TEN1: variants seen among roughly 807,000 people sequenced by gnomAD.
TEN1 encodes the protein TEN1 subunit of CST complex.
A neutral mutation model predicts 9.3 loss-of-function variants in TEN1; 6 were observed. The ratio of observed to expected loss-of-function variants is 0.65; its 90% CI spans 0.35 to 1.27. The LOEUF is 1.27. Ranked by LOEUF, TEN1 falls within the 50% of genes most tolerant of loss-of-function variation. The pLI is 0.03. For synonymous variants in TEN1, 65 were observed against 65.6 expected, an observed-to-expected ratio of 0.99 and a Z score of 0.04; for missense variants, 149 against 158.2, an observed-to-expected ratio of 0.94 and a Z score of 0.31.
chr17:75,991,765 TC>T lies in TEN1; in HGVS notation c.250+143del. The T allele has an allele frequency of 4.5e-6, 5 of 1,106,478 alleles. No individual in the cohort carries two copies. The South Asian group carries it at 8.2e-5, about 18-fold the overall frequency. The allele number at this position is 1,106,478 out of a possible 1,614,324, so 68.5% of individuals were successfully genotyped here. ...GTTTCTTCCAAATTAGCCCACAAGT[TC>T]AACACTCTTGAGGATTCAACTCAGA... On this transcript the variant is annotated intron_variant, in intron 3 of 3. Transcript: ENST00000397640.
intron 3 of TEN1, among the ~76,000 whole-genome samples, chr17:75,994,555 G>A (rs1021391089): frequency 6.7e-6 from 1 of 149,684 alleles, no homozygotes. Flanking sequence ...TCAGCTCACT[G>A]CAACCTCCGC....
chr17:75,991,149 CAAAAAAAAAAAA>C (rs71361699), intron 2 of TEN1, among the ~76,000 whole-genome samples: 1 of 70,220 alleles, frequency 1.4e-5, no homozygotes, highest in Non-Finnish European at 2.5e-5. Context: ...GACTCCATCT[CAAAAAAAAAAAA>C]AAAAAAAGAA....
chr17:76,000,042 C>G lies in TEN1; in HGVS notation c.251-99C>G. 6.7e-7 allele frequency: 1 copy of G among 1,481,754 alleles called. No homozygotes were observed. The highest frequency in any genetic ancestry group is 2.5e-5 in the East Asian group (1 of 40,016). 91.8% of individuals were successfully genotyped at this position (1,481,754 alleles called of 1,614,324 possible). On this transcript the variant is annotated intron_variant, in intron 3 of 3. Transcript: ENST00000397640. This position sits in a 1 kb window ranked among gnomAD's most constrained non-coding sequence, Gnocchi z 5.9. Reference sequence around the variant, plus strand: ...TGTCCACATCACTTGCTGCCAAAACCCAGGACTGAGCTGTGGAGGGAACAG... The same window carrying G: ...TGTCCACATCACTTGCTGCCAAAACGCAGGACTGAGCTGTGGAGGGAACAG...
Position 76,000,152 on chromosome 17 carries a change from G to A in TEN1, c.262G>A (p.Val88Met), listed in dbSNP as rs201043191. ...TGTTTGTCTTGCAGACAGAGGCTCC[G>A]TGGTGAAGGCGCGCGTGCTGACCTG... Reference protein sequence around the residue: ...ELQHQQDRGSVVKARVLTCVE... With the variant: ...ELQHQQDRGSMVKARVLTCVE... The change falls in exon 4 of 4, where the codon GTG becomes ATG. Residue 88 changes from valine to methionine, a missense_variant. By Grantham distance (21) the Val-to-Met change is conservative. Transcript: ENST00000397640. The surrounding 1 kb of genome is among the most constrained non-coding windows in gnomAD (Gnocchi z 5.9). 6.3e-4 allele frequency: 972 copies of A among 1,551,124 alleles called. 3 individuals are homozygous for A. The highest frequency in any genetic ancestry group is 2.0e-3 in the Admixed American group (100 of 50,900).
chr17:75,981,139 C>T (rs538039161), intron 1 of TEN1, among the ~76,000 whole-genome samples: 12 of 151,514 alleles, frequency 7.9e-5, no homozygotes, highest in Non-Finnish European at 1.5e-4. Context: ...CAAATTTACA[C>T]GAGAATTACA....
chr17:75,993,703 A>T (rs1052658904), intron 3 of TEN1, among the ~76,000 whole-genome samples: 2 of 152,138 alleles, frequency 1.3e-5, no homozygotes, highest in Admixed American at 1.3e-4. Flanking sequence ...CTTGCCAAAA[A>T]AATTGAACCT....
At chr17:75,982,006 G>A (rs141906358) in intron 1 of TEN1, among the ~76,000 whole-genome samples, 1 of 152,030 alleles carries the variant, frequency 6.6e-6, no homozygotes, top group Non-Finnish European at 1.5e-5. Context: ...CAGCCTGGGC[G>A]ACAGAGTGAG....
intron 3 of TEN1, among the ~76,000 whole-genome samples, chr17:75,992,011 C>T (rs971700304): frequency 2.8e-5 from 4 of 142,866 alleles, no homozygotes; most frequent in Non-Finnish European, 6.0e-5. Context: ...CGTTCCACTG[C>T]ACTCCAGCCT....
At chr17:75,996,571 G>A (rs2066218926) in intron 3 of TEN1, among the ~76,000 whole-genome samples, 1 of 151,278 alleles carries the variant, frequency 6.6e-6, no homozygotes, top group Non-Finnish European at 1.5e-5. Context: ...AGGGTGCGTT[G>A]TTGCACACAT....
chr17:75,987,266 T>A (rs1428189132), intron 2 of TEN1, among the ~76,000 whole-genome samples: 3 of 152,202 alleles, frequency 2.0e-5, no homozygotes, highest in Non-Finnish European at 2.9e-5. Context: ...TCTGGAGGCT[T>A]GACTGGGGCC....
chr17:75,986,708 T>C (rs1014533489), intron 2 of TEN1, among the ~76,000 whole-genome samples: 3 of 150,692 alleles, frequency 2.0e-5, no homozygotes, highest in African/African-American at 7.3e-5. Flanking sequence ...TCTCAAAAAA[T>C]AATAATAATA....
chr17:75,999,641 CAAAAG>C (rs1350163753), intron 3 of TEN1, among the ~76,000 whole-genome samples: 1 of 152,124 alleles, frequency 6.6e-6, no homozygotes, highest in African/African-American at 2.4e-5. Flanking sequence ...GTTCACCTGT[CAAAAG>C]AAAGAAAATT....
chr17:75,980,936 C>T (rs1368904362), intron 1 of TEN1, among the ~76,000 whole-genome samples: 1 of 152,162 alleles, frequency 6.6e-6, no homozygotes, highest in Non-Finnish European at 1.5e-5. Context: ...GGCACAGTGC[C>T]TGCCCCGCTA....
chr17:75,982,125 G>A (rs891975052), intron 1 of TEN1, among the ~76,000 whole-genome samples: 1 of 152,132 alleles, frequency 6.6e-6, no homozygotes, highest in Non-Finnish European at 1.5e-5. Flanking sequence ...GACCTAGCTT[G>A]TTTGACTGTA....
At chr17:75,991,398 C>A (rs1291116320) in intron 2 of TEN1, 68 bp from the exon 3 acceptor site, 2 of 1,505,610 alleles carry the variant, frequency 1.3e-6, no homozygotes, top group South Asian at 1.2e-5. Flanking sequence ...CTTGGCCATG[C>A]AAACCTTTTG....
At position 75,985,368 on chromosome 17, in the gene TEN1, G is replaced by A. The variant is rs149579759; in HGVS notation, c.-6-819G>A. 1.8e-3 allele frequency among the ~76,000 whole-genome samples: 279 copies of A among 152,070 alleles called. 1 individual carries two copies. Among genetic ancestry groups the A allele is most frequent in the Middle Eastern group, 6.8e-3 (2 of 292 alleles). ...TTGCCATGTTGCCCAGACTGGTCCCGAATTCCTAGTCTCAAGGGATCCACC... is the reference window on the plus strand; with the variant it reads ...TTGCCATGTTGCCCAGACTGGTCCCAAATTCCTAGTCTCAAGGGATCCACC... On this transcript the variant is annotated intron_variant, in intron 1 of 3. Coordinates refer to ENST00000397640, the MANE Select transcript of TEN1 (RefSeq NM_001113324.3).
At position 75,996,803 on chromosome 17, in the gene TEN1, G is replaced by T. The variant is rs535004088; in HGVS notation, c.251-3338G>T. ...GAAAGGGAGGGAGGGAAACCTTCCTGTGTGTCCCCTGTGCACCTCCCTCTT... is the reference window on the plus strand; with the variant it reads ...GAAAGGGAGGGAGGGAAACCTTCCTTTGTGTCCCCTGTGCACCTCCCTCTT... On this transcript the variant is annotated intron_variant, in intron 3 of 3. Transcript: ENST00000397640. Among the ~76,000 whole-genome samples, 228 of 152,000 alleles carry T rather than the reference G, an allele frequency of 1.5e-3. 3 individuals are homozygous for T. Among genetic ancestry groups the T allele is most frequent in the Admixed American group, 0.014 (208 of 15,250 alleles).
At chr17:75,999,979 CCCAAAT>C (rs1876968296) in intron 3 of TEN1, among the ~76,000 whole-genome samples, 156 bp from the exon 4 acceptor site, 1 of 152,134 alleles carries the variant, frequency 6.6e-6, no homozygotes, top group Non-Finnish European at 1.5e-5. Context: ...CGGTTCTAGG[CCCAAAT>C]ACTCAGTTGC....
intron 3 of TEN1, among the ~76,000 whole-genome samples, chr17:75,996,706 CA>C (rs35106916): frequency 0.12 from 11,359 of 95,558 alleles, 279 homozygotes; most frequent in East Asian, 0.26. Context: ...GAGACCCTGT[CA>C]AAAAAAAAAA....
Sources: allele counts gnomAD v4.1 joint callset (sites outside exome capture counted in the v4.1 genomes callset), GRCh38; gene constraint gnomAD v4.1.1; non-coding constraint Gnocchi (gnomAD v3.1); transcripts MANE v1.5; gene names NCBI Gene and HGNC (gene_info 2026-07-23, HGNC 2026-07-21).